Variants in ZBTB7C observed in about 807,000 individuals in gnomAD.
ZBTB7C encodes zinc finger and BTB domain containing 7C, also known as zinc finger and BTB domain-containing protein 7C.
A neutral mutation model predicts 25.7 loss-of-function variants in ZBTB7C; 8 were observed. The observed-to-expected ratio is 0.31, with a 90% CI of 0.18 to 0.56. ZBTB7C has a LOEUF of 0.56. ZBTB7C is among the 20% of genes least tolerant of loss of function. The pLI is 0.91. For synonymous variants in ZBTB7C, 394 were observed against 369.0 expected (o/e 1.07, Z -0.78); for missense variants, 824 against 855.2 (o/e 0.96, Z 0.46).
At chr18:48,064,189 C>G (rs2037233596) in intron 3 of ZBTB7C, among the ~76,000 whole-genome samples, 1 of 152,222 alleles carries the variant, frequency 6.6e-6, no homozygotes, top group Non-Finnish European at 1.5e-5. Context: ...ATCTCTTCCA[C>G]CAGCAGAGTG....
At position 48,217,501 on chromosome 18, in the gene ZBTB7C, C is replaced by T. The variant is rs190625246; in HGVS notation, c.-78-31506G>A. Among the ~76,000 whole-genome samples the T allele has an allele frequency of 7.9e-5, 12 of 152,220 alleles. No individual in the cohort carries two copies. In the East Asian group the frequency reaches 2.1e-3, roughly 27 times the overall value. ...AGGGCCTTTGAGTCCCCCTCCTTCT[C>T]CTCTCCTTCCTCTGCTCTACACACC... On this transcript the variant is annotated intron_variant, in intron 2 of 4. Coordinates refer to ENST00000590800, the MANE Select transcript of ZBTB7C (RefSeq NM_001318841.2).
chr18:48,188,300 C>G (rs2042112975), intron 2 of ZBTB7C, among the ~76,000 whole-genome samples: 1 of 152,158 alleles, frequency 6.6e-6, no homozygotes, highest in Admixed American at 6.5e-5. Flanking sequence ...GCTGGGGAGG[C>G]TTCAGGAAAC....
At chr18:48,142,248 C>T (rs115800519) in intron 3 of ZBTB7C, among the ~76,000 whole-genome samples, 3,126 of 152,308 alleles carry the variant, frequency 0.021, 114 homozygotes, top group African/African-American at 0.072. Context: ...CCTTTGGCTG[C>T]CCTGTCCTGC....
intron 2 of ZBTB7C, among the ~76,000 whole-genome samples, chr18:48,191,009 C>T (rs1163751457): frequency 6.6e-6 from 1 of 152,206 alleles, no homozygotes; most frequent in Non-Finnish European, 1.5e-5. Flanking sequence ...TCGTACAAAT[C>T]TCTCACTTTA....
chr18:48,124,253 A>G (rs912903379), intron 3 of ZBTB7C, among the ~76,000 whole-genome samples: 5 of 152,246 alleles, frequency 3.3e-5, no homozygotes, highest in Admixed American at 6.5e-5. Flanking sequence ...CCCTCAGGCA[A>G]GCCTGGGATG....
At chr18:48,397,815 C>A (rs1000384610) in intron 1 of ZBTB7C, among the ~76,000 whole-genome samples, 1 of 152,172 alleles carries the variant, frequency 6.6e-6, no homozygotes, top group African/African-American at 2.4e-5. Flanking sequence ...ATTTTTGCAT[C>A]TTTGAAGGCA....
intron 2 of ZBTB7C, among the ~76,000 whole-genome samples, chr18:48,321,564 C>T (rs1192038426): frequency 6.6e-6 from 1 of 152,210 alleles, no homozygotes; most frequent in Non-Finnish European, 1.5e-5. Context: ...CACTGGACTG[C>T]TTCCCCTCCC....
Position 48,225,137 on chromosome 18 carries a change from T to C in ZBTB7C, c.-78-39142A>G, listed in dbSNP as rs141815487. On this transcript the variant is annotated intron_variant, in intron 2 of 4. Transcript: ENST00000590800. ...TAAAACACAGGAGTATGCCTGAGCATAAATACTCCCCATCTACAACTGGCT... is the reference window on the plus strand; with the variant it reads ...TAAAACACAGGAGTATGCCTGAGCACAAATACTCCCCATCTACAACTGGCT... Among the ~76,000 whole-genome samples, 528 of 152,316 alleles carry C rather than the reference T, an allele frequency of 3.5e-3. 4 individuals are homozygous for C. Among genetic ancestry groups the C allele is most frequent in the African/African-American group, 0.012 (504 of 41,572 alleles).
At chr18:48,366,702 G>A (rs577692018) in intron 1 of ZBTB7C, among the ~76,000 whole-genome samples, 3 of 152,270 alleles carry the variant, frequency 2.0e-5, no homozygotes, top group East Asian at 1.9e-4. Flanking sequence ...AATGGTGCTC[G>A]TGCTCAAACA....
chr18:48,084,303 T>A (rs776187621), intron 3 of ZBTB7C, among the ~76,000 whole-genome samples: 1 of 152,200 alleles, frequency 6.6e-6, no homozygotes, highest in Non-Finnish European at 1.5e-5. Context: ...TCCTGCCAGA[T>A]GATATGCCAT....
chr18:48,328,859 G>A (rs182625467), intron 2 of ZBTB7C, among the ~76,000 whole-genome samples: 13 of 152,266 alleles, frequency 8.5e-5, no homozygotes, highest in African/African-American at 2.6e-4. Context: ...CTACATGGCC[G>A]CCAGGTCAAT....
chr18:48,285,086 T>C (rs559524033), intron 2 of ZBTB7C, among the ~76,000 whole-genome samples: 6 of 152,234 alleles, frequency 3.9e-5, no homozygotes, highest in African/African-American at 1.4e-4. Context: ...TATAAATGTA[T>C]GCCACAGAAG....
At position 48,029,523 on chromosome 18, in the gene ZBTB7C, G is replaced by A. The variant is rs753091468; in HGVS notation, c.1597C>T (p.His533Tyr). 1 of 1,578,292 alleles carries A rather than the reference G, an allele frequency of 6.3e-7. No homozygotes were observed. Among genetic ancestry groups the A allele is most frequent in the Non-Finnish European group, 8.5e-7 (1 of 1,170,662 alleles). The change falls in exon 5 of 5, where the codon CAC becomes TAC. Residue 533 changes from histidine to tyrosine, a missense_variant. This residue lies in a region of ZBTB7C where 342 missense variants were observed against 307.0 expected (regional missense o/e 1.11). Coordinates refer to ENST00000590800, the MANE Select transcript of ZBTB7C (RefSeq NM_001318841.2). ...GCGCCCTTGGGCGCTGCCAGGAAGTGCTTGGCGGGGCTGGGGCCCGGGAGG... is the reference window on the plus strand; with the variant it reads ...GCGCCCTTGGGCGCTGCCAGGAAGTACTTGGCGGGGCTGGGGCCCGGGAGG... ...VCLPGPSPAK[H>Y]FLAAPKGALS...
chr18:48,192,509 G>A (rs1160994228), intron 2 of ZBTB7C, among the ~76,000 whole-genome samples: 2 of 152,218 alleles, frequency 1.3e-5, no homozygotes, highest in Non-Finnish European at 2.9e-5. Context: ...TGTCACCCAG[G>A]CTGGAGTGCA....
chr18:48,316,891 C>T (rs578254137), intron 2 of ZBTB7C, among the ~76,000 whole-genome samples: 106 of 152,334 alleles, frequency 7.0e-4, no homozygotes, highest in Non-Finnish European at 9.4e-4. Context: ...GTTTCCGACC[C>T]TGTAAAATGG....
At chr18:48,367,808 A>T (rs1455262855) in intron 1 of ZBTB7C, among the ~76,000 whole-genome samples, 1 of 151,410 alleles carries the variant, frequency 6.6e-6, no homozygotes, top group Non-Finnish European at 1.5e-5. Context: ...GACTACCCCA[A>T]CCCCCAACCC....
At chr18:48,169,600 C>G (rs371130113) in intron 3 of ZBTB7C, among the ~76,000 whole-genome samples, 1 of 152,188 alleles carries the variant, frequency 6.6e-6, no homozygotes, top group Non-Finnish European at 1.5e-5. Flanking sequence ...CCATTAATAC[C>G]TGGCAAGCAC....
At chr18:48,209,933 C>T (rs1879973972) in intron 2 of ZBTB7C, among the ~76,000 whole-genome samples, 1 of 152,068 alleles carries the variant, frequency 6.6e-6, no homozygotes, top group Admixed American at 6.5e-5. Context: ...TGATAAGGGA[C>T]TTGTGTCTAG....
intron 2 of ZBTB7C, among the ~76,000 whole-genome samples, chr18:48,312,208 C>T (rs1290148498): frequency 6.6e-6 from 1 of 152,182 alleles, no homozygotes; most frequent in Non-Finnish European, 1.5e-5. Flanking sequence ...CTGGGCCTTG[C>T]TACCAGCTGG....
Sources: gnomAD v4.1 joint callset for allele counts (sites outside exome capture counted in the v4.1 genomes callset) on GRCh38, gnomAD v4.1.1 for gene constraint, gnomAD v4.1.1 regional missense constraint, MANE v1.5 for transcripts, NCBI Gene and HGNC (gene_info 2026-07-23, HGNC 2026-07-21) for gene names.